Variants in ADGRB3 observed in about 807,000 individuals in gnomAD.
The protein encoded by ADGRB3 is adhesion G protein-coupled receptor B3.
Under a neutral mutation model 193.4 loss-of-function variants are expected in ADGRB3, and 37 were observed. The ratio of observed to expected loss-of-function variants is 0.19; its 90% CI spans 0.15 to 0.25. The LOEUF (loss-of-function observed/expected upper bound fraction) is 0.25, where lower values mean the gene tolerates loss of function less well. Among genes scored for constraint, ADGRB3 ranks in the 10% least tolerant of loss-of-function variants. The pLI, the probability that ADGRB3 is intolerant of heterozygous loss-of-function variation, is 1.00. For synonymous variants in ADGRB3, 690 were observed against 644.2 expected, an observed-to-expected ratio of 1.07 and a Z score of -1.08; for missense variants, 1,637 against 1,852.9, an observed-to-expected ratio of 0.88 and a Z score of 2.14.
chr6:68,671,052 T>C (rs1479785145), intron 3 of ADGRB3, among the ~76,000 whole-genome samples: 3 of 152,020 alleles, frequency 2.0e-5, no homozygotes, highest in African/African-American at 7.2e-5. Context: ...AAATTTATTT[T>C]TCAGATTGTT....
intron 31 of ADGRB3, among the ~76,000 whole-genome samples, chr6:69,387,749 T>A (rs1263606212): frequency 6.6e-6 from 1 of 152,078 alleles, no homozygotes; most frequent in Non-Finnish European, 1.5e-5. Context: ...TTAGCCATAG[T>A]TTCAGATGAT....
At chr6:69,033,795 T>C (rs1770784867) in intron 13 of ADGRB3, among the ~76,000 whole-genome samples, 1 of 152,070 alleles carries the variant, frequency 6.6e-6, no homozygotes, top group Non-Finnish European at 1.5e-5. Flanking sequence ...TTTTCAAAGT[T>C]ACATTAAAGA....
chr6:69,282,502 T>G (rs887761124), intron 20 of ADGRB3, among the ~76,000 whole-genome samples: 1 of 152,208 alleles, frequency 6.6e-6, no homozygotes, highest in African/African-American at 2.4e-5. Flanking sequence ...GTAATATGAT[T>G]CTTCAGAATT....
chr6:68,646,913 A>G (rs1768229246), intron 3 of ADGRB3, among the ~76,000 whole-genome samples: 1 of 152,204 alleles, frequency 6.6e-6, no homozygotes, highest in South Asian at 2.1e-4. Flanking sequence ...TTAGGAATCT[A>G]CTGAGTGCTT....
chr6:69,278,073 ATTCT>A (rs1324932301), intron 20 of ADGRB3, among the ~76,000 whole-genome samples: 5 of 152,148 alleles, frequency 3.3e-5, no homozygotes, highest in African/African-American at 1.2e-4. Flanking sequence ...CTTCTTATTG[ATTCT>A]TTCTGAACAT....
At chr6:69,016,414 G>A (rs1770093744) in intron 12 of ADGRB3, among the ~76,000 whole-genome samples, 2 of 151,922 alleles carry the variant, frequency 1.3e-5, no homozygotes, top group African/African-American at 2.4e-5. Context: ...GCCAAACAGT[G>A]TCCTCAAGGT....
At chr6:69,371,495 C>G (rs1582663252) in intron 29 of ADGRB3, among the ~76,000 whole-genome samples, 1 of 151,972 alleles carries the variant, frequency 6.6e-6, no homozygotes, top group Non-Finnish European at 1.5e-5. Context: ...TTCCAACTGC[C>G]TGAATATTAC....
At chr6:68,714,254 G>C (rs1227533975) in intron 3 of ADGRB3, among the ~76,000 whole-genome samples, 1 of 151,734 alleles carries the variant, frequency 6.6e-6, no homozygotes, top group Non-Finnish European at 1.5e-5. Context: ...TTAAAAACTT[G>C]TTGAGCTTTC....
At chr6:68,979,224 A>G (rs1480683584) in intron 10 of ADGRB3, among the ~76,000 whole-genome samples, 4 of 151,370 alleles carry the variant, frequency 2.6e-5, no homozygotes, top group East Asian at 1.9e-4. Flanking sequence ...TACTTTTCTT[A>G]TAAGTAGAAG....
intron 26 of ADGRB3, among the ~76,000 whole-genome samples, chr6:69,350,211 G>T (rs1331110776): frequency 6.6e-6 from 1 of 152,010 alleles, no homozygotes; most frequent in Non-Finnish European, 1.5e-5. Flanking sequence ...AATAACTTTG[G>T]AAGTGCATGG....
intron 14 of ADGRB3, 61 bp from the exon 15 acceptor site, chr6:69,049,210 G>T: frequency 7.8e-7 from 1 of 1,277,596 alleles, no homozygotes. Flanking sequence ...GCAGATTAAA[G>T]TTTTATAAGA....
At chr6:69,344,874 C>T (rs565278935) in intron 26 of ADGRB3, among the ~76,000 whole-genome samples, 5 of 152,210 alleles carry the variant, frequency 3.3e-5, no homozygotes, top group African/African-American at 1.2e-4. Context: ...AGAAAGGTTA[C>T]TGGGCATATG....
chr6:69,165,797 C>A (rs1775116066), intron 17 of ADGRB3, among the ~76,000 whole-genome samples: 1 of 151,904 alleles, frequency 6.6e-6, no homozygotes, highest in East Asian at 1.9e-4. Flanking sequence ...CTGTTCTAAC[C>A]ATTTTATATG....
chr6:69,255,710 G>C (rs1766750464), intron 20 of ADGRB3, among the ~76,000 whole-genome samples: 1 of 152,118 alleles, frequency 6.6e-6, no homozygotes, highest in Non-Finnish European at 1.5e-5. Context: ...AGTTTGATTA[G>C]ATCCCATTTG....
chr6:69,361,375 G>A lies in ADGRB3; in HGVS notation c.4102G>A (p.Ala1368Thr), dbSNP rs767038879. 7.4e-6 allele frequency: 12 copies of A among 1,612,790 alleles called. No homozygotes were observed. The highest frequency in any genetic ancestry group is 1.7e-5 in the Admixed American group (1 of 59,872). ...CAATATGAACTTAGAGCAACATCTC[G>A]CACCCCAGGAACATATGCAGAATTT... is the stretch of plus-strand genomic sequence containing the variant. ...QFNMNLEQHLAPQEHMQNLPF... is the reference protein window; with the variant it reads ...QFNMNLEQHLTPQEHMQNLPF... Residue 1368 changes from alanine to threonine, a missense_variant, in exon 29 of 32, where the codon GCA (alanine) becomes ACA (threonine). Ala to Thr is a moderately conservative substitution (Grantham distance 58). Coordinates refer to ENST00000370598, the MANE Select transcript of ADGRB3 (RefSeq NM_001704.3).
At chr6:68,885,704 A>G (rs1765888249) in intron 3 of ADGRB3, among the ~76,000 whole-genome samples, 1 of 152,182 alleles carries the variant, frequency 6.6e-6, no homozygotes, top group South Asian at 2.1e-4. Flanking sequence ...TTGATCAAAG[A>G]TACAAAATTT....
At chr6:69,134,022 C>T (rs1582487099) in intron 17 of ADGRB3, among the ~76,000 whole-genome samples, 2 of 152,086 alleles carry the variant, frequency 1.3e-5, no homozygotes, top group East Asian at 3.9e-4. Context: ...TATTTTGCTG[C>T]TTTTTATGTC....
intron 3 of ADGRB3, among the ~76,000 whole-genome samples, chr6:68,826,836 T>A (rs940830244): frequency 1.2e-4 from 18 of 152,172 alleles, no homozygotes; most frequent in Non-Finnish European, 2.5e-4. Context: ...GACTACATTG[T>A]TTTGGCCTGA....
intron 17 of ADGRB3, among the ~76,000 whole-genome samples, chr6:69,149,742 T>G (rs1774613059): frequency 6.6e-6 from 1 of 152,076 alleles, no homozygotes. Context: ...TAAGTCTGGG[T>G]CACTGCAGCC....
Sources: allele counts gnomAD v4.1 joint callset (sites outside exome capture counted in the v4.1 genomes callset), GRCh38; gene constraint gnomAD v4.1.1; transcripts MANE v1.5; gene names NCBI Gene and HGNC (gene_info 2026-07-23, HGNC 2026-07-21).